The following MIDN variants were observed in gnomAD, a reference collection of about 807,000 sequenced individuals.
MIDN encodes the protein midnolin, also known as midbrain nucleolar protein.
Under a neutral mutation model 46.1 loss-of-function variants are expected in MIDN, and 26 were observed. The observed-to-expected ratio is 0.56, with a 90% CI of 0.41 to 0.78. The LOEUF is 0.78. MIDN is among the 30% of genes least tolerant of loss of function. The probability of loss-of-function intolerance (pLI) is 0.00; values close to 1 mark genes in which losing one functional copy is unlikely to be tolerated. For missense variants in MIDN, 850 were observed against 771.8 expected, an observed-to-expected ratio of 1.10 and a Z score of -1.20; for synonymous variants, 432 against 343.3, an observed-to-expected ratio of 1.26 and a Z score of -2.86.
intron 2 of MIDN, among the ~76,000 whole-genome samples, chr19:1,250,832 C>T (rs1486194929): frequency 6.6e-6 from 1 of 152,016 alleles, no homozygotes; most frequent in Non-Finnish European, 1.5e-5. Flanking sequence ...GCCACCGCCC[C>T]CTCCCGCCTG....
rs1194245383 is a variant in MIDN at position 1,250,269 on chromosome 19, GCCCCCAGC to G, written c.-19_-12del. 2.0e-5 allele frequency: 18 copies of G among 905,490 alleles called. No homozygotes were observed. Among genetic ancestry groups the G allele is most frequent in the Non-Finnish European group, 2.2e-5 (17 of 757,740 alleles). 56.1% of individuals were successfully genotyped at this position (905,490 alleles called of 1,614,324 possible). A position where few individuals can be genotyped will look rare whatever the true frequency, so the allele number is the denominator to read the frequency against. On this transcript the variant is annotated 5_prime_UTR_variant, in exon 2 of 9. Coordinates refer to ENST00000682408, the MANE Select transcript of MIDN (RefSeq NM_001388306.1). Reference sequence around the variant, plus strand: ...GCGGCGAGGATTGGCGGCGCCCGCCGCCCCCAGCCCCCCAGCGCGCGCCGGGGATGGAG... The same window carrying G: ...GCGGCGAGGATTGGCGGCGCCCGCCGCCCCCAGCGCGCGCCGGGGATGGAG...
Position 1,257,260 on chromosome 19 carries a change from C to T in MIDN, c.1524C>T (p.Phe508=), listed in dbSNP as rs1360902761. 1.3e-5 allele frequency: 21 copies of T among 1,611,780 alleles called. No homozygotes were observed. The highest frequency in any genetic ancestry group is 1.7e-4 in the Middle Eastern group (1 of 5,990). The change falls in exon 9 of 9, where the codon TTC becomes TTT. Residue 508 remains phenylalanine (F), a synonymous_variant. Transcript: ENST00000682408. The part of the protein sequence containing the change: ...PEVNPDIKSE[F]VVA ...TCAACCCTGACATCAAGTCAGAGTT[C>T]GTGGTGGCTTAGGATCTTCGGATCG...
intron 6 of MIDN, 57 bp downstream of exon 6, chr19:1,254,535 CTGGGGAGGTCT>C: frequency 6.6e-7 from 1 of 1,514,562 alleles, no homozygotes; most frequent in South Asian, 1.2e-5. Flanking sequence ...GTGGGCCGTC[CTGGGGAGGTCT>C]TGGGGAGGAC....
In MIDN at chr19:1,254,952, C is replaced by T. The variant is rs1366872769; in HGVS notation, c.876C>T (p.Ser292=). The T allele has an allele frequency of 1.2e-6, 2 of 1,612,458 alleles. No individual in the cohort carries two copies. The highest frequency in any genetic ancestry group is 1.1e-5 in the South Asian group (1 of 91,028). ...GCAGCAGTGCCAGTCCTGGTGCCAG[C>T]ACCACGTCTACCCCAGGGGCCAGCC... ...TASSSASPGA[S]TTSTPGASPA... The change falls in exon 7 of 9, where the codon AGC becomes AGT. Residue 292 remains serine, a synonymous_variant. Coordinates refer to ENST00000682408, the MANE Select transcript of MIDN (RefSeq NM_001388306.1).
chr19:1,251,849 C>T lies in MIDN; in HGVS notation c.332C>T (p.Ser111Leu), dbSNP rs776121596. ...TCCCTCTCTTTGTAGTCTCAGGCCT[C>T]AAGGCCGGAACAGTCCGTGATGCAA... is the stretch of plus-strand genomic sequence containing the variant. Reference protein sequence around the residue: ...TVEAGLMSQASRPEQSVMQAL... With the variant: ...TVEAGLMSQALRPEQSVMQAL... Residue 111 changes from serine (S) to leucine (L), a missense_variant, in exon 4 of 9, where the codon TCA (serine) becomes TTA (leucine). Transcript: ENST00000682408. 38 of 1,613,404 alleles carry T rather than the reference C, an allele frequency of 2.4e-5. No individual in the cohort carries two copies. Among genetic ancestry groups the T allele is most frequent in the Non-Finnish European group, 3.1e-5 (37 of 1,179,668 alleles).
rs3214177 is a variant in MIDN at position 1,257,902 on chromosome 19, C to CT, written c.*638dup. ...TCCACTCCTATCCTCTTTTCTTGAT[C>CT]TTTTTTTTGCATTTTCCTTCATTTC... On this transcript the variant is annotated 3_prime_UTR_variant, in exon 9 of 9. Transcript: ENST00000682408. 81,916 of 151,828 alleles carry CT rather than the reference C, an allele frequency of 0.54. 22,515 individuals carry two copies. The highest frequency in any genetic ancestry group is 0.68 in the East Asian group (3,529 of 5,160). 9.4% of individuals were successfully genotyped at this position (151,828 alleles called of 1,614,324 possible).
At chr19:1,250,739 C>G (rs1462552269) in intron 2 of MIDN, among the ~76,000 whole-genome samples, 2 of 151,500 alleles carry the variant, frequency 1.3e-5, no homozygotes, top group Non-Finnish European at 3.0e-5. Context: ...GAGGGCGTCC[C>G]GGGCCGGGCT....
chr19:1,256,760 T>G (rs972144510), intron 8 of MIDN, among the ~76,000 whole-genome samples: 7 of 152,276 alleles, frequency 4.6e-5, no homozygotes, highest in African/African-American at 1.7e-4. Context: ...CAGGCCTGTC[T>G]CGAACTCCTG....
chr19:1,252,538 C>G (rs1037023998), intron 4 of MIDN, among the ~76,000 whole-genome samples: 6 of 151,432 alleles, frequency 4.0e-5, no homozygotes, highest in Non-Finnish European at 1.5e-5. Flanking sequence ...CCCGGTTTTG[C>G]TGCGGACTTT....
chr19:1,258,601 A>G lies in MIDN; in HGVS notation c.*1329A>G, dbSNP rs1241693036. ...CTTGTCCTGGCTCTGCCTGTCCCCC[A>G]CCGTTGTTCTCGTAGGTGAACCCCA... On this transcript the variant is annotated 3_prime_UTR_variant, in exon 9 of 9. Coordinates refer to ENST00000682408, the MANE Select transcript of MIDN (RefSeq NM_001388306.1). The G allele has an allele frequency of 6.6e-6, 1 of 150,524 alleles. No homozygotes were observed. The highest frequency in any genetic ancestry group is 2.5e-5 in the African/African-American group (1 of 40,654). The allele number at this position is 150,524 out of a possible 1,614,324, so 9.3% of individuals were successfully genotyped here.
At chr19:1,252,229 A>C (rs1388483785) in intron 4 of MIDN, among the ~76,000 whole-genome samples, 1 of 148,040 alleles carries the variant, frequency 6.8e-6, no homozygotes, top group African/African-American at 2.5e-5. Flanking sequence ...CTCCGCCCCC[A>C]CCGAGGAGCC....
At position 1,258,715 on chromosome 19, in the gene MIDN, T is replaced by C. The variant is rs2081231687; in HGVS notation, c.*1443T>C. 7.0e-6 allele frequency: 1 copy of C among 142,170 alleles called. No homozygotes were observed. The highest frequency in any genetic ancestry group is 6.9e-5 in the Admixed American group (1 of 14,424). 8.8% of individuals were successfully genotyped at this position (142,170 alleles called of 1,614,324 possible). ...TATAACTGTAGCGCTGTAAATTTTTTTGTGGGAGGGTGGGCAGGGAGGGGT... is the reference window on the plus strand; with the variant it reads ...TATAACTGTAGCGCTGTAAATTTTTCTGTGGGAGGGTGGGCAGGGAGGGGT... On this transcript the variant is annotated 3_prime_UTR_variant, in exon 9 of 9. Transcript: ENST00000682408.
chr19:1,255,544 C>G lies in MIDN; in HGVS notation c.1108C>G (p.Leu370Val). ...GCACTACCAGGGCATGCCCCCTTCGCTGGCCCAGCTCCGCTGCCACGCCCA... is the reference window on the plus strand; with the variant it reads ...GCACTACCAGGGCATGCCCCCTTCGGTGGCCCAGCTCCGCTGCCACGCCCA... Reference protein sequence around the residue: ...TRHYQGMPPSLAQLRCHAQCS... With the variant: ...TRHYQGMPPSVAQLRCHAQCS... Residue 370 changes from leucine (L) to valine (V), a missense_variant, in exon 8 of 9, where the codon CTG becomes GTG. By Grantham distance (32) the Leu-to-Val change is conservative. Coordinates refer to ENST00000682408, the MANE Select transcript of MIDN (RefSeq NM_001388306.1). The G allele has an allele frequency of 6.2e-7, 1 of 1,611,866 alleles. No individual in the cohort carries two copies. Among genetic ancestry groups the G allele is most frequent in the Non-Finnish European group, 8.5e-7 (1 of 1,179,558 alleles).
Position 1,255,242 on chromosome 19 carries a change from C to G in MIDN, c.986-180C>G, listed in dbSNP as rs983039210. 3.3e-5 allele frequency among the ~76,000 whole-genome samples: 5 copies of G among 152,230 alleles called. 1 individual carries two copies. In the East Asian group the frequency reaches 9.7e-4, roughly 29 times the overall value. On this transcript the variant is annotated intron_variant, in intron 7 of 8. Coordinates refer to ENST00000682408, the MANE Select transcript of MIDN (RefSeq NM_001388306.1). ...ACGCCTGGCCCTGCCCGGGGGGCCGCGGGTCACCAGGCGCCTGCATACTGG... is the reference window on the plus strand; with the variant it reads ...ACGCCTGGCCCTGCCCGGGGGGCCGGGGGTCACCAGGCGCCTGCATACTGG...
intron 8 of MIDN, 101 bp downstream of exon 8, chr19:1,255,795 G>C: frequency 8.6e-7 from 1 of 1,158,284 alleles, no homozygotes; most frequent in Non-Finnish European, 1.2e-6. Context: ...GACCTGCCCA[G>C]GGGCTGGGGG....
chr19:1,249,568 G>A (rs1449570028), intron 1 of MIDN, among the ~76,000 whole-genome samples: 6 of 149,894 alleles, frequency 4.0e-5, no homozygotes, highest in Admixed American at 4.0e-4. Flanking sequence ...GCCCTTTGTT[G>A]CGGGCTCCGG....
rs773972955 is a variant in MIDN at position 1,253,426 on chromosome 19, C to T, written c.385-528C>T. Among the ~76,000 whole-genome samples, 435 of 151,482 alleles carry T rather than the reference C, an allele frequency of 2.9e-3. 3 individuals carry two copies. The highest frequency in any genetic ancestry group is 9.9e-3 in the African/African-American group (406 of 40,950). On this transcript the variant is annotated intron_variant, in intron 4 of 8. Transcript: ENST00000682408. Reference sequence around the variant, plus strand: ...ACTTCTCAGAAACCTCCGCCACCCCCCCCCCCATCCCGGCCACTGGGGAGA... The same window carrying T: ...ACTTCTCAGAAACCTCCGCCACCCCTCCCCCCATCCCGGCCACTGGGGAGA...
intron 4 of MIDN, among the ~76,000 whole-genome samples, chr19:1,252,609 G>A (rs1273630796): frequency 2.0e-5 from 3 of 151,928 alleles, no homozygotes; most frequent in African/African-American, 7.3e-5. Flanking sequence ...CCTCAGACAA[G>A]GGCCCTGGCC....
rs373988982 is a variant in MIDN at position 1,251,826 on chromosome 19, C to T, written c.322-13C>T. On this transcript the variant is annotated splice_polypyrimidine_tract_variant and intron_variant, in intron 3 of 8. Coordinates refer to ENST00000682408, the MANE Select transcript of MIDN (RefSeq NM_001388306.1). ...ACCCCACACTCAGGCCCCTCTCCTC[C>T]CTCTCTTTGTAGTCTCAGGCCTCAA... 4.7e-5 allele frequency: 76 copies of T among 1,611,716 alleles called. 2 individuals are homozygous for T. The highest frequency in any genetic ancestry group is 2.0e-4 in the African/African-American group (15 of 75,008).
Sources: gnomAD v4.1 joint callset for allele counts (sites outside exome capture counted in the v4.1 genomes callset) on GRCh38, gnomAD v4.1.1 for gene constraint, MANE v1.5 for transcripts, NCBI Gene and HGNC (gene_info 2026-07-23, HGNC 2026-07-21) for gene names.